TSR1: variants seen among roughly 807,000 people sequenced by gnomAD.
TSR1 encodes the protein TSR1 ribosome maturation factor, also known as pre-rRNA-processing protein TSR1 homolog.
TSR1 carries 81 observed loss-of-function variants against 90.9 expected under a neutral mutation model. The ratio of observed to expected loss-of-function variants is 0.89; its 90% CI spans 0.74 to 1.07. TSR1 has a LOEUF of 1.07. Among genes scored for constraint, TSR1 ranks in the 50% least tolerant of loss-of-function variants. The pLI is 0.00. For missense variants in TSR1, 989 were observed against 987.3 expected (o/e 1.00, Z -0.02); for synonymous variants, 362 against 348.8 (o/e 1.04, Z -0.42).
In TSR1 at chr17:2,332,338, C is replaced by T. The variant is rs187414351; in HGVS notation, c.1327G>A (p.Glu443Lys). The change falls in exon 8 of 15, where the codon GAA (glutamate) becomes AAA (lysine). Residue 443 changes from glutamate to lysine, a missense_variant. Coordinates refer to ENST00000301364, the MANE Select transcript of TSR1 (RefSeq NM_018128.5). ...CCAATAGTCATAGTTTCATATTCTT[C>T]CTCTTCTTCACTACTCTCATCCTGT... ...ESQDESSEEE[E>K]EYETMTIGES... The T allele has an allele frequency of 2.0e-5, 32 of 1,604,944 alleles. No homozygotes were observed. Among genetic ancestry groups the T allele is most frequent in the Admixed American group, 8.7e-5 (5 of 57,148 alleles).
Position 2,329,487 on chromosome 17 carries a change from G to GT in TSR1, c.1771-13dup. 1 of 1,612,468 alleles carries GT rather than the reference G, an allele frequency of 6.2e-7. No individual in the cohort carries two copies. The highest frequency in any genetic ancestry group is 8.5e-7 in the Non-Finnish European group (1 of 1,179,572). On this transcript the variant is annotated splice_polypyrimidine_tract_variant and intron_variant, in intron 10 of 14. Coordinates refer to ENST00000301364, the MANE Select transcript of TSR1 (RefSeq NM_018128.5). ...TTCAATACTGACATCTGGGGACCAA[G>GT]TAAGAAAAACAAAAATCTTCATAGT...
At chr17:2,332,896 A>C (rs535022762) in intron 7 of TSR1, 65 bp downstream of exon 7, 58 of 1,498,054 alleles carry the variant, frequency 3.9e-5, no homozygotes, top group Middle Eastern at 3.5e-4. Context: ...CATCAAGATC[A>C]CACCTGCACT....
rs986653885 is a variant in TSR1, at chr17:2,331,017, A to T, written c.1589T>A (p.Phe530Tyr). The T allele has an allele frequency of 6.2e-6, 10 of 1,612,226 alleles. No homozygotes were observed. Among genetic ancestry groups the T allele is most frequent in the Non-Finnish European group, 8.5e-6 (10 of 1,179,626 alleles). Residue 530 changes from phenylalanine (F) to tyrosine (Y), a missense_variant, in exon 9 of 15, where the codon TTT (phenylalanine) becomes TAT (tyrosine). Phe to Tyr is a conservative substitution (Grantham distance 22). Coordinates refer to ENST00000301364, the MANE Select transcript of TSR1 (RefSeq NM_018128.5). ...TTTCCTAGTGTTAGTAAAGTTCTGA[A>T]ACTGAAATATTCGAGCATAATCTTG... ...LPQDYARIFQ[F>Y]QNFTNTRKSI...
At chr17:2,332,637 C>T (rs1029941076) in intron 7 of TSR1, among the ~76,000 whole-genome samples, 2 of 152,098 alleles carry the variant, frequency 1.3e-5, no homozygotes, top group Non-Finnish European at 2.9e-5. Flanking sequence ...GAGATTGAGA[C>T]CATCCTGGCT....
intron 2 of TSR1, 118 bp downstream of exon 2, chr17:2,335,919 G>T: frequency 7.9e-7 from 1 of 1,264,702 alleles, no homozygotes; most frequent in South Asian, 1.3e-5. Flanking sequence ...CGCTCGACAC[G>T]TGCTCTAGGG....
intron 5 of TSR1, 99 bp downstream of exon 5, chr17:2,334,373 C>T: frequency 7.8e-7 from 1 of 1,273,928 alleles, no homozygotes; most frequent in Non-Finnish European, 1.1e-6. Context: ...GACTAGCAGT[C>T]TCCTCATTCA....
At chr17:2,324,455 G>A (rs2075561769) in intron 14 of TSR1, 49 bp downstream of exon 14, 14 of 1,613,210 alleles carry the variant, frequency 8.7e-6, no homozygotes, top group Non-Finnish European at 7.6e-6. Flanking sequence ...CAGTCATTTA[G>A]CAACACTGCA....
chr17:2,324,911 T>C lies in TSR1; in HGVS notation c.2021-82A>G, dbSNP rs553889043. 14 of 1,479,580 alleles carry C rather than the reference T, an allele frequency of 9.5e-6. No individual in the cohort carries two copies. The South Asian group carries it at 1.4e-4, about 15-fold the overall frequency. 91.7% of individuals were successfully genotyped at this position (1,479,580 alleles called of 1,614,324 possible). A position where few individuals can be genotyped will look rare whatever the true frequency, so the allele number is the denominator to read the frequency against. ...ATTGCCCAGTCCATTTAAAGACCCA[T>C]GCAAGAGCCTGGTTTGTCATCCCTG... is the stretch of plus-strand genomic sequence containing the variant. On this transcript the variant is annotated intron_variant, in intron 12 of 14. Coordinates refer to ENST00000301364, the MANE Select transcript of TSR1 (RefSeq NM_018128.5).
In TSR1 at chr17:2,328,978, T is replaced by G. The variant is rs2075590424; in HGVS notation, c.1903+365A>C. ...ACAAAAACAAGATTAAATCTTACCT[T>G]TTTTGGTCTTCAATTCCCCGTTCTA... On this transcript the variant is annotated intron_variant, in intron 11 of 14. Transcript: ENST00000301364. 1.1e-5 allele frequency: 3 copies of G among 285,430 alleles called. No individual in the cohort carries two copies. In the South Asian group the frequency reaches 1.2e-4, roughly 12 times the overall value. 17.7% of individuals were successfully genotyped at this position (285,430 alleles called of 1,614,324 possible). A position where few individuals can be genotyped will look rare whatever the true frequency, so the allele number is the denominator to read the frequency against.
In TSR1 at chr17:2,331,811, A is replaced by G. The variant is rs901998882; in HGVS notation, c.1496+358T>C. Among the ~76,000 whole-genome samples the G allele has an allele frequency of 3.3e-5, 5 of 152,230 alleles. No individual in the cohort carries two copies. The South Asian group carries it at 8.3e-4, about 25-fold the overall frequency. On this transcript the variant is annotated intron_variant, in intron 8 of 14. Coordinates refer to ENST00000301364, the MANE Select transcript of TSR1 (RefSeq NM_018128.5). ...TTAGTCACTCACCTCCAGAACAGAT[A>G]TAATCATCTACTTCTTCACTCTTCT...
intron 11 of TSR1, chr17:2,329,014 T>G: frequency 2.5e-6 from 1 of 402,534 alleles, no homozygotes; most frequent in Non-Finnish European, 4.8e-6. Context: ...ATGCCACAAG[T>G]GTTGGGATTA....
In TSR1 at chr17:2,334,585, G is replaced by A. The variant is rs1467267394; in HGVS notation, c.868C>T (p.His290Tyr). ...GQTLNVNRLL[H>Y]IVGYGDFQMK... Reference sequence around the variant, plus strand: ...TGGAAATCACCATATCCAACGATATGCAGCAACCTATTGACATTCAGAGTC... The same window carrying A: ...TGGAAATCACCATATCCAACGATATACAGCAACCTATTGACATTCAGAGTC... The change falls in exon 5 of 15, where the codon CAT becomes TAT. Residue 290 changes from histidine (H) to tyrosine (Y), a missense_variant. Coordinates refer to ENST00000301364, the MANE Select transcript of TSR1 (RefSeq NM_018128.5). 1 of 1,614,048 alleles carries A rather than the reference G, an allele frequency of 6.2e-7. No homozygotes were observed. Among genetic ancestry groups the A allele is most frequent in the Non-Finnish European group, 8.5e-7 (1 of 1,180,058 alleles).
rs554423441 is a variant in TSR1, at chr17:2,330,574, C to T, written c.1711G>A (p.Glu571Lys). 2 of 1,613,978 alleles carry T rather than the reference C, an allele frequency of 1.2e-6. No individual in the cohort carries two copies. The highest frequency in any genetic ancestry group is 2.7e-5 in the African/African-American group (2 of 74,968). ...HVSEVPVSVV[E>K]CFRQGTPLIA... Reference sequence around the variant, plus strand: ...AAGGGTGTTCCTTGCCTGAAGCACTCGACCACTGAGACGGGGACTTCAGAG... The same window carrying T: ...AAGGGTGTTCCTTGCCTGAAGCACTTGACCACTGAGACGGGGACTTCAGAG... Residue 571 changes from glutamate to lysine, a missense_variant, in exon 10 of 15, where the codon GAG (glutamate) becomes AAG (lysine). By Grantham distance (56) the Glu-to-Lys change is moderately conservative (BLOSUM62 1). Coordinates refer to ENST00000301364, the MANE Select transcript of TSR1 (RefSeq NM_018128.5).
chr17:2,323,383 T>C lies in TSR1; in HGVS notation c.*813A>G, dbSNP rs756936243. On this transcript the variant is annotated 3_prime_UTR_variant, in exon 15 of 15. Coordinates refer to ENST00000301364, the MANE Select transcript of TSR1 (RefSeq NM_018128.5). ...CAAGAAAAGAAATAGCAAAGCATGG[T>C]GTAACTTCTTAGGCAGAAGAAACTT... The C allele has an allele frequency of 1.9e-5, 30 of 1,611,074 alleles. No individual in the cohort carries two copies. Among genetic ancestry groups the C allele is most frequent in the Non-Finnish European group, 2.5e-5 (29 of 1,177,706 alleles).
rs190163342 is a variant in TSR1 at position 2,332,562 on chromosome 17, T to C, written c.1306-203A>G. On this transcript the variant is annotated intron_variant, in intron 7 of 14. Coordinates refer to ENST00000301364, the MANE Select transcript of TSR1 (RefSeq NM_018128.5). ...AAGAAACTAACCATACACGGCCGGG[T>C]GCGGTGGCTCACGCCTGTAATCCCA... 1.1e-3 allele frequency among the ~76,000 whole-genome samples: 174 copies of C among 151,808 alleles called. 3 individuals are homozygous for C. The highest frequency in any genetic ancestry group is 9.4e-3 in the Admixed American group (143 of 15,246).
intron 10 of TSR1, among the ~76,000 whole-genome samples, chr17:2,329,721 C>T (rs1200254555): frequency 6.6e-6 from 1 of 152,110 alleles, no homozygotes; most frequent in Non-Finnish European, 1.5e-5. Flanking sequence ...CCTTCCTGCA[C>T]CTAACAGAAA....
rs1333814264 is a variant in TSR1, at chr17:2,323,824, G to C, written c.*372C>G. On this transcript the variant is annotated 3_prime_UTR_variant, in exon 15 of 15. Transcript: ENST00000301364. ...GTAGACTTAACCTCCTCCATAACTT[G>C]GGTGAAGCAGGCTGAAAGGCCAGCT... 2 of 1,614,052 alleles carry C rather than the reference G, an allele frequency of 1.2e-6. No homozygotes were observed. The highest frequency in any genetic ancestry group is 1.7e-6 in the Non-Finnish European group (2 of 1,180,040).
intron 1 of TSR1, 64 bp from the exon 2 acceptor site, chr17:2,336,204 C>A: frequency 4.4e-6 from 7 of 1,600,352 alleles, no homozygotes; most frequent in Non-Finnish European, 6.0e-6. Context: ...AGGGACTCCT[C>A]TCCGCCCACC....
rs2075569525 is a variant in TSR1, at chr17:2,325,327, A to G, written c.1997T>C (p.Leu666Pro). The G allele has an allele frequency of 1.2e-6, 2 of 1,612,732 alleles. No individual in the cohort carries two copies. The highest frequency in any genetic ancestry group is 2.2e-5 in the South Asian group (2 of 90,722). ...APITFPPASV[L>P]LFKQKSNGMH... ...ACCATTGCTTTTTTGCTTGAAAAGC[A>G]GCACAGATGCAGGAGGAAAAGTGAT... is the stretch of plus-strand genomic sequence containing the variant. The change falls in exon 12 of 15, where the codon CTG (leucine) becomes CCG (proline). Residue 666 changes from leucine (L) to proline (P), a missense_variant. By Grantham distance (98) the Leu-to-Pro change is moderately conservative. Coordinates refer to ENST00000301364, the MANE Select transcript of TSR1 (RefSeq NM_018128.5).
Sources: gnomAD v4.1 joint callset for allele counts (sites outside exome capture counted in the v4.1 genomes callset) on GRCh38, gnomAD v4.1.1 for gene constraint, MANE v1.5 for transcripts, NCBI Gene and HGNC (gene_info 2026-07-23, HGNC 2026-07-21) for gene names.